ZXDA: variants seen among roughly 807,000 people sequenced by gnomAD.
ZXDA encodes the protein zinc finger X-linked duplicated A.
In ZXDA, 5 loss-of-function variants were observed where a neutral mutation model predicts 10.1. The observed-to-expected ratio is 0.50, with a 90% CI of 0.26 to 1.04. The LOEUF (loss-of-function observed/expected upper bound fraction) is 1.04, where lower values mean the gene tolerates loss of function less well. Among genes scored for constraint, ZXDA ranks in the 50% least tolerant of loss-of-function variants. ZXDA has a pLI of 0.14. For missense variants in ZXDA, 501 were observed against 672.4 expected, an observed-to-expected ratio of 0.75 and a Z score of 2.82; for synonymous variants, 266 against 313.1, an observed-to-expected ratio of 0.85 and a Z score of 1.59.
chrX:57,909,321 T>A lies in ZXDA; in HGVS notation c.1100A>T (p.Glu367Val). Reference sequence around the variant, plus strand: ...GAGTTTGGCCTGCGTGGGGAAGCTCTCCTCGCACACCTCACATTTGAACGA... The same window carrying A: ...GAGTTTGGCCTGCGTGGGGAAGCTCACCTCGCACACCTCACATTTGAACGA... ...ENSFKCEVCEESFPTQAKLGA... is the reference protein window; with the variant it reads ...ENSFKCEVCEVSFPTQAKLGA... Residue 367 changes from glutamate (E) to valine (V), a missense_variant, in exon 1 of 1, where the codon GAG becomes GTG. Coordinates refer to ENST00000358697, the MANE Select transcript of ZXDA (RefSeq NM_007156.5). The A allele has an allele frequency of 8.3e-7, 1 of 1,212,068 alleles. No homozygotes were observed. Among genetic ancestry groups the A allele is most frequent in the Non-Finnish European group, 1.1e-6 (1 of 895,605 alleles).
At position 57,908,879 on chromosome X, in the gene ZXDA, C is replaced by G; in HGVS notation, c.1542G>C (p.Val514=). ...CAGAGAACCTGGCACAGCAGCCTGC[C>G]ACAGGACACACGAAAGGCTTTGTGC... The part of the protein sequence containing the change: ...HLGTKPFVCP[V]AGCCARFSAR... The change falls in exon 1 of 1, where the codon GTG becomes GTC. Residue 514 remains valine (V), a synonymous_variant. Transcript: ENST00000358697. The G allele has an allele frequency of 8.3e-7, 1 of 1,211,178 alleles. No homozygotes were observed. The highest frequency in any genetic ancestry group is 1.1e-6 in the Non-Finnish European group (1 of 895,298).
Position 57,908,089 on chromosome X carries a change from C to A in ZXDA, c.2332G>T (p.Ala778Ser). 8.3e-7 allele frequency: 1 copy of A among 1,211,724 alleles called. No individual in the cohort carries two copies. The highest frequency in any genetic ancestry group is 1.1e-6 in the Non-Finnish European group (1 of 895,471). The change falls in exon 1 of 1, where the codon GCA becomes TCA. Residue 778 changes from alanine (A) to serine (S), a missense_variant. This residue lies in a region of ZXDA where 46 missense variants were observed against 54.1 expected (regional missense o/e 0.85). Transcript: ENST00000358697. ...TCTTTCTGAGAACCATGGTTTCCTG[C>A]TGCATTGGGGAATCCAAACTGGGTT... ...GETQFGFPNA[A>S]GNHGSQKERN...
Position 57,909,380 on chromosome X carries a change from G to A in ZXDA, c.1041C>T (p.Leu347=), listed in dbSNP as rs1484238259. Residue 347 remains leucine (L), a synonymous_variant, in exon 1 of 1, where the codon CTC becomes CTT. Transcript: ENST00000358697. ...GCTCATGGCCCTTCATGTGCGCCTT[G>A]AGGTTGTACACGGTGGTGAAGCTCT... ...CGKSFTTVYN[L]KAHMKGHEQE... The A allele has an allele frequency of 2.5e-6, 3 of 1,210,255 alleles. No homozygotes were observed. The African/African-American group carries it at 5.2e-5, about 21-fold the overall frequency.
chrX:57,909,625 G>A lies in ZXDA; in HGVS notation c.796C>T (p.Leu266=). ...CACAGCGCCTCGGGGCACAGGTACA[G>A]CACCACGCCTGGACCAGAGCCCAGC... ...GLLGSGPGVV[L]YLCPEALCGQ... Residue 266 remains leucine, a synonymous_variant, in exon 1 of 1, where the codon CTG becomes TTG. Coordinates refer to ENST00000358697, the MANE Select transcript of ZXDA (RefSeq NM_007156.5). The A allele has an allele frequency of 8.3e-7, 1 of 1,200,481 alleles. No individual in the cohort carries two copies. Among genetic ancestry groups the A allele is most frequent in the Non-Finnish European group, 1.1e-6 (1 of 890,370 alleles).
In ZXDA at chrX:57,908,714, C is replaced by G. The variant is rs764786782; in HGVS notation, c.1707G>C (p.Lys569Asn). 3 of 1,207,296 alleles carry G rather than the reference C, an allele frequency of 2.5e-6. No individual in the cohort carries two copies. Among genetic ancestry groups the G allele is most frequent in the Non-Finnish European group, 3.4e-6 (3 of 894,476 alleles). Residue 569 changes from lysine (K) to asparagine (N), a missense_variant, in exon 1 of 1, where the codon AAG becomes AAC. Physicochemically the swap from Lys to Asn is moderately conservative, Grantham distance 94. This residue lies in a region of ZXDA where 171 missense variants were observed against 262.7 expected (regional missense o/e 0.65). Coordinates refer to ENST00000358697, the MANE Select transcript of ZXDA (RefSeq NM_007156.5). ...SMKTHMVKRHKVGQDLLAQLE... is the reference protein window; with the variant it reads ...SMKTHMVKRHNVGQDLLAQLE... ...GCTGAGCTAAGAGATCCTGGCCCAC[C>G]TTATGCCTTTTAACCATGTGCGTCT...
In ZXDA at chrX:57,907,285, G is replaced by A. The variant is rs1471229893; in HGVS notation, c.*736C>T. Reference sequence around the variant, plus strand: ...TTTCCTTTCAATACAACCTACTGGGGTAGAAAAATAAGTCTAGGATGTAAC... The same window carrying A: ...TTTCCTTTCAATACAACCTACTGGGATAGAAAAATAAGTCTAGGATGTAAC... On this transcript the variant is annotated 3_prime_UTR_variant, in exon 1 of 1. Coordinates refer to ENST00000358697, the MANE Select transcript of ZXDA (RefSeq NM_007156.5). 1 of 112,210 alleles carries A rather than the reference G, an allele frequency of 8.9e-6. No individual in the cohort carries two copies. The highest frequency in any genetic ancestry group is 9.4e-5 in the Admixed American group (1 of 10,608). The allele number at this position is 112,210 out of a possible 1,213,427, so 9.2% of individuals were successfully genotyped here. A position where few individuals can be genotyped will look rare whatever the true frequency, so the allele number is the denominator to read the frequency against.
rs766122568 is a variant in ZXDA, at chrX:57,908,890, C to A, written c.1531G>T (p.Val511Leu). The stretch of plus-strand genomic sequence containing the variant: ...GCACAGCAGCCTGCCACAGGACACA[C>A]GAAAGGCTTTGTGCCCAGGTGGGTA... The part of the protein sequence containing the change: ...SITHLGTKPF[V>L]CPVAGCCARF... The change falls in exon 1 of 1, where the codon GTG becomes TTG. Residue 511 changes from valine (V) to leucine (L), a missense_variant. Physicochemically the swap from Val to Leu is conservative, Grantham distance 32. Transcript: ENST00000358697. 2.5e-6 allele frequency: 3 copies of A among 1,211,407 alleles called. No individual in the cohort carries two copies. The highest frequency in any genetic ancestry group is 3.4e-6 in the Non-Finnish European group (3 of 895,364).
At position 57,909,828 on chromosome X, in the gene ZXDA, G is replaced by A; in HGVS notation, c.593C>T (p.Ala198Val). Residue 198 changes from alanine to valine, a missense_variant, in exon 1 of 1, where the codon GCC becomes GTC. Coordinates refer to ENST00000358697, the MANE Select transcript of ZXDA (RefSeq NM_007156.5). ...GGCGATCAGACACCTGGGCTGCTGGGCAGGAGCGGCCCCTGGCTCCCAGGC... is the reference window on the plus strand; with the variant it reads ...GGCGATCAGACACCTGGGCTGCTGGACAGGAGCGGCCCCTGGCTCCCAGGC... ...PHAWEPGAAPAQQPRCLIAPQ... is the reference protein window; with the variant it reads ...PHAWEPGAAPVQQPRCLIAPQ... 8.3e-7 allele frequency: 1 copy of A among 1,201,513 alleles called. No homozygotes were observed. Among genetic ancestry groups the A allele is most frequent in the Non-Finnish European group, 1.1e-6 (1 of 892,265 alleles).
In ZXDA at chrX:57,909,209, A is replaced by C. The variant is rs1317977267; in HGVS notation, c.1212T>G (p.Ser404Arg). The change falls in exon 1 of 1, where the codon AGT (serine) becomes AGG (arginine). Residue 404 changes from serine to arginine, a missense_variant. By Grantham distance (110) the Ser-to-Arg change is moderately radical. This residue lies in a region of ZXDA where 171 missense variants were observed against 262.7 expected (regional missense o/e 0.65). Transcript: ENST00000358697. ...SGCKKTFITV[S>R]ALFSHNRAHF... ...GGGCGCGGTTATGGGAAAACAGAGC[A>C]CTCACTGTGATAAATGTCTTCTTGC... 5 of 1,211,501 alleles carry C rather than the reference A, an allele frequency of 4.1e-6. No individual in the cohort carries two copies. Among genetic ancestry groups the C allele is most frequent in the Non-Finnish European group, 5.6e-6 (5 of 895,442 alleles).
At position 57,909,804 on chromosome X, in the gene ZXDA, G is replaced by T. The variant is rs1463303392; in HGVS notation, c.617C>A (p.Ala206Asp). The T allele has an allele frequency of 1.7e-6, 2 of 1,202,929 alleles. No homozygotes were observed. ...APAQQPRCLI[A>D]PQAGFPQAAH... ...GGCTTGCGGGAACCCAGCTTGGGGG[G>T]CGATCAGACACCTGGGCTGCTGGGC... The change falls in exon 1 of 1, where the codon GCC (alanine) becomes GAC (aspartate). Residue 206 changes from alanine to aspartate, a missense_variant. By Grantham distance (126) the Ala-to-Asp change is moderately radical. Around this residue, in one of 5 missense-constraint regions of ZXDA, gnomAD observed 251 missense variants for 221.6 expected, o/e 1.13. Transcript: ENST00000358697.
rs750899246 is a variant in ZXDA, at chrX:57,908,076, C to A, written c.2345G>T (p.Gly782Val). The A allele has an allele frequency of 4.1e-6, 5 of 1,211,438 alleles. No individual in the cohort carries two copies. The highest frequency in any genetic ancestry group is 2.3e-4 in the Middle Eastern group (1 of 4,350). The change falls in exon 1 of 1, where the codon GGT becomes GTT. Residue 782 changes from glycine to valine, a missense_variant. By Grantham distance (109) the Gly-to-Val change is moderately radical. Transcript: ENST00000358697. ...GATAAGATTTCTTTCTTTCTGAGAACCATGGTTTCCTGCTGCATTGGGGAA... is the reference window on the plus strand; with the variant it reads ...GATAAGATTTCTTTCTTTCTGAGAAACATGGTTTCCTGCTGCATTGGGGAA... ...FGFPNAAGNH[G>V]SQKERNLITV...
rs1166199260 is a variant in ZXDA, at chrX:57,905,762, G to A, written c.*2259C>T. Reference sequence around the variant, plus strand: ...AAATTTGTCCTTTGAAAATTCTATAGACCATAACAAAAGCATAGCTTATGA... The same window carrying A: ...AAATTTGTCCTTTGAAAATTCTATAAACCATAACAAAAGCATAGCTTATGA... On this transcript the variant is annotated 3_prime_UTR_variant, in exon 1 of 1. Transcript: ENST00000358697. Among the ~76,000 whole-genome samples the A allele has an allele frequency of 2.7e-5, 3 of 111,154 alleles. No individual in the cohort carries two copies. The highest frequency in any genetic ancestry group is 9.8e-5 in the African/African-American group (3 of 30,568).
rs144268469 is a variant in ZXDA at position 57,909,854 on chromosome X, G to A, written c.567C>T (p.His189=). Residue 189 remains histidine (H), a synonymous_variant, in exon 1 of 1, where the codon CAC becomes CAT. Transcript: ENST00000358697. ...GVLTLATPPP[H]AWEPGAAPAQ... ...CAGGAGCGGCCCCTGGCTCCCAGGC[G>A]TGTGGTGGGGGCGTGGCCAGGGTGA... The A allele has an allele frequency of 2.5e-6, 3 of 1,199,161 alleles. No individual in the cohort carries two copies. Among genetic ancestry groups the A allele is most frequent in the African/African-American group, 3.5e-5 (2 of 56,962 alleles).
rs2014395464 is a variant in ZXDA, at chrX:57,909,329, C to T, written c.1092G>A (p.Val364=). ...CCTGCGTGGGGAAGCTCTCCTCGCACACCTCACATTTGAACGAGTTCTCCT... is the reference window on the plus strand; with the variant it reads ...CCTGCGTGGGGAAGCTCTCCTCGCATACCTCACATTTGAACGAGTTCTCCT... The part of the protein sequence containing the change: ...HEQENSFKCE[V]CEESFPTQAK... Residue 364 remains valine, a synonymous_variant, in exon 1 of 1, where the codon GTG becomes GTA. Coordinates refer to ENST00000358697, the MANE Select transcript of ZXDA (RefSeq NM_007156.5). 8.2e-7 allele frequency: 1 copy of T among 1,212,200 alleles called. No homozygotes were observed. The highest frequency in any genetic ancestry group is 1.1e-6 in the Non-Finnish European group (1 of 895,646).
chrX:57,909,438 C>T lies in ZXDA; in HGVS notation c.983G>A (p.Arg328Gln), dbSNP rs773094668. 2.3e-5 allele frequency: 28 copies of T among 1,210,388 alleles called. No individual in the cohort carries two copies. Among genetic ancestry groups the T allele is most frequent in the Non-Finnish European group, 2.9e-5 (26 of 895,303 alleles). Reference protein sequence around the residue: ...KRHLQSHDKLRPFGCPAEGCG... With the variant: ...KRHLQSHDKLQPFGCPAEGCG... ...GCCCTCCGCAGGGCAGCCGAAGGGC[C>T]GCAGTTTATCGTGCGACTGCAGGTG... is the stretch of plus-strand genomic sequence containing the variant. The change falls in exon 1 of 1, where the codon CGG becomes CAG. Residue 328 changes from arginine to glutamine, a missense_variant. Coordinates refer to ENST00000358697, the MANE Select transcript of ZXDA (RefSeq NM_007156.5).
rs1320959459 is a variant in ZXDA at position 57,906,178 on chromosome X, A to G, written c.*1843T>C. On this transcript the variant is annotated 3_prime_UTR_variant, in exon 1 of 1. Coordinates refer to ENST00000358697, the MANE Select transcript of ZXDA (RefSeq NM_007156.5). ...AGTGCACTGTTAAAGTGCCATAATA[A>G]TTGTTATCCCCAAGTATCCACATGT... 3.6e-5 allele frequency among the ~76,000 whole-genome samples: 4 copies of G among 112,414 alleles called. No homozygotes were observed. The highest frequency in any genetic ancestry group is 7.5e-5 in the Non-Finnish European group (4 of 53,264).
Position 57,909,884 on chromosome X carries a change from G to A in ZXDA, c.537C>T (p.Gly179=), listed in dbSNP as rs368926141. ...GTGGGGGCGTGGCCAGGGTGAGGAC[G>A]CCGTTCTCAAAGCGCAACAGCAGGT... ...NQDLLLRFEN[G]VLTLATPPPH... The change falls in exon 1 of 1, where the codon GGC becomes GGT. Residue 179 remains glycine (G), a synonymous_variant. Transcript: ENST00000358697. The A allele has an allele frequency of 5.0e-6, 6 of 1,199,236 alleles. No individual in the cohort carries two copies. In the African/African-American group the frequency reaches 7.0e-5, roughly 14 times the overall value.
At position 57,909,378 on chromosome X, in the gene ZXDA, T is replaced by G; in HGVS notation, c.1043A>C (p.Lys348Thr). The G allele has an allele frequency of 8.3e-7, 1 of 1,211,806 alleles. No individual in the cohort carries two copies. Among genetic ancestry groups the G allele is most frequent in the African/African-American group, 1.7e-5 (1 of 57,773 alleles). ...GKSFTTVYNL[K>T]AHMKGHEQEN... ...CTGCTCATGGCCCTTCATGTGCGCC[T>G]TGAGGTTGTACACGGTGGTGAAGCT... The change falls in exon 1 of 1, where the codon AAG (lysine) becomes ACG (threonine). Residue 348 changes from lysine (K) to threonine (T), a missense_variant. Lys to Thr is a moderately conservative substitution (Grantham distance 78). Around this residue, in one of 5 missense-constraint regions of ZXDA, gnomAD observed 171 missense variants for 262.7 expected, o/e 0.65. Transcript: ENST00000358697.
At position 57,908,980 on chromosome X, in the gene ZXDA, T is replaced by C; in HGVS notation, c.1441A>G (p.Met481Val). The change falls in exon 1 of 1, where the codon ATG becomes GTG. Residue 481 changes from methionine (M) to valine (V), a missense_variant. Transcript: ENST00000358697. ...KRKHDDDRRF[M>V]CPVEGCGKSF... is the part of the protein sequence containing the mutation. ...TTCCCACAGCCTTCCACAGGGCACA[T>C]GAACCTCCGGTCATCGTCGTGCTTC... 3 of 1,211,549 alleles carry C rather than the reference T, an allele frequency of 2.5e-6. No individual in the cohort carries two copies. Among genetic ancestry groups the C allele is most frequent in the Non-Finnish European group, 3.4e-6 (3 of 895,444 alleles).
Sources: allele counts gnomAD v4.1 joint callset (sites outside exome capture counted in the v4.1 genomes callset), GRCh38; gene constraint gnomAD v4.1.1; regional missense constraint gnomAD v4.1.1; transcripts MANE v1.5; gene names NCBI Gene and HGNC (gene_info 2026-07-23, HGNC 2026-07-21).